Variants in ALDH1L2 observed in about 807,000 individuals in gnomAD.
ALDH1L2 encodes mitochondrial 10-formyltetrahydrofolate dehydrogenase.
Under a neutral mutation model 111.0 loss-of-function variants are expected in ALDH1L2, and 91 were observed. That is an observed-to-expected ratio of 0.82 (90% CI 0.69 to 0.98). The LOEUF is 0.98. Among genes scored for constraint, ALDH1L2 ranks in the 50% least tolerant of loss-of-function variants. ALDH1L2 has a pLI of 0.00. For synonymous variants in ALDH1L2, 374 were observed against 392.6 expected, an observed-to-expected ratio of 0.95 and a Z score of 0.56; for missense variants, 995 against 1,126.8, an observed-to-expected ratio of 0.88 and a Z score of 1.67.
chr12:105,072,038 A>G (rs1877761745), intron 2 of ALDH1L2, among the ~76,000 whole-genome samples: 1 of 151,470 alleles, frequency 6.6e-6, no homozygotes, highest in South Asian at 2.1e-4. Flanking sequence ...GTAAGCTATT[A>G]TCGTGCCACT....
At position 105,036,318 on chromosome 12, in the gene ALDH1L2, T is replaced by C. The variant is rs184941396; in HGVS notation, c.2145+1785A>G. On this transcript the variant is annotated intron_variant, in intron 18 of 22. Transcript: ENST00000258494. ...TTATATATATACGTATATTTATATA[T>C]GTGTATATATATTATATATACGTAT... 1.1e-3 allele frequency among the ~76,000 whole-genome samples: 83 copies of C among 78,950 alleles called. 12 individuals are homozygous for C. Among genetic ancestry groups the C allele is most frequent in the African/African-American group, 3.6e-3 (78 of 21,684 alleles). 51.8% of individuals were successfully genotyped at this position (78,950 alleles called of 152,430 possible).
chr12:105,044,265 C>T (rs1320383785), intron 15 of ALDH1L2, among the ~76,000 whole-genome samples: 1 of 152,118 alleles, frequency 6.6e-6, no homozygotes, highest in Non-Finnish European at 1.5e-5. Context: ...ATTATATATA[C>T]TCATTGCCAT....
chr12:105,046,667 TAA>T, intron 15 of ALDH1L2, 41 bp downstream of exon 15: 2 of 1,548,654 alleles, frequency 1.3e-6, no homozygotes, highest in Non-Finnish European at 1.8e-6. Flanking sequence ...GTACTGGATA[TAA>T]GAGAGGAGGC....
rs866235918 is a variant in ALDH1L2 at position 105,036,323 on chromosome 12, A to G, written c.2145+1780T>C. Among the ~76,000 whole-genome samples the G allele has an allele frequency of 1.1e-4, 9 of 78,364 alleles. 2 individuals are homozygous for G. Among genetic ancestry groups the G allele is most frequent in the Non-Finnish European group, 1.7e-4 (7 of 40,850 alleles). 51.4% of individuals were successfully genotyped at this position (78,364 alleles called of 152,430 possible). ...TATATACGTATATTTATATATGTGT[A>G]TATATATTATATATACGTATATTTA... On this transcript the variant is annotated intron_variant, in intron 18 of 22. Transcript: ENST00000258494.
In ALDH1L2 at chr12:105,024,156, G is replaced by A. The variant is rs1017898896; in HGVS notation, c.*268C>T. Reference sequence around the variant, plus strand: ...TGGGAACCATGAATAGATTTGTCTAGGTAGGGGAGAAACAGCTTGGTATTT... The same window carrying A: ...TGGGAACCATGAATAGATTTGTCTAAGTAGGGGAGAAACAGCTTGGTATTT... On this transcript the variant is annotated 3_prime_UTR_variant, in exon 23 of 23. Coordinates refer to ENST00000258494, the MANE Select transcript of ALDH1L2 (RefSeq NM_001034173.4). 3 of 537,356 alleles carry A rather than the reference G, an allele frequency of 5.6e-6. No individual in the cohort carries two copies. Among genetic ancestry groups the A allele is most frequent in the Non-Finnish European group, 1.0e-5 (3 of 300,090 alleles). 33.3% of individuals were successfully genotyped at this position (537,356 alleles called of 1,614,324 possible).
intron 13 of ALDH1L2, among the ~76,000 whole-genome samples, chr12:105,049,415 C>T (rs563493093): frequency 1.3e-3 from 194 of 152,224 alleles, no homozygotes; most frequent in Non-Finnish European, 2.1e-3. Context: ...ATAACCATTG[C>T]GAGGGTCTGA....
At chr12:105,070,420 T>G in intron 3 of ALDH1L2, 150 bp downstream of exon 3, 1 of 650,906 alleles carries the variant, frequency 1.5e-6, no homozygotes, top group South Asian at 2.0e-5. Flanking sequence ...ATTAAAAAAG[T>G]CTCACTGGGT....
chr12:105,080,568 C>T (rs1200373422), intron 1 of ALDH1L2, among the ~76,000 whole-genome samples: 1 of 152,058 alleles, frequency 6.6e-6, no homozygotes, highest in Non-Finnish European at 1.5e-5. Context: ...ACTTCTGGGT[C>T]TCAGTTTTCT....
Position 105,046,891 on chromosome 12 carries a change from T to TA in ALDH1L2, c.1757+7dup. 1 of 1,614,026 alleles carries TA rather than the reference T, an allele frequency of 6.2e-7. No individual in the cohort carries two copies. Among genetic ancestry groups the TA allele is most frequent in the Admixed American group, 1.7e-5 (1 of 60,022 alleles). On this transcript the variant is annotated splice_region_variant and intron_variant, in intron 14 of 22. Transcript: ENST00000258494. Reference sequence around the variant, plus strand: ...ATGATTCACTCAGAGGCACTCTCCTTATCTTACCCGAGTGGCTCTTTCTTG... The same window carrying TA: ...ATGATTCACTCAGAGGCACTCTCCTTAATCTTACCCGAGTGGCTCTTTCTTG...
rs369295322 is a variant in ALDH1L2 at position 105,046,802 on chromosome 12, T to C, written c.1771A>G (p.Ile591Val). ...KKEPLGVCAIIIPWNYPLMML... is the reference protein window; with the variant it reads ...KKEPLGVCAIVIPWNYPLMML... ...ATCAGCGGGTAGTTCCAGGGAATAA[T>C]AATGGCACAGACACTGCAGGGGAAG... is the stretch of plus-strand genomic sequence containing the variant. Residue 591 changes from isoleucine (I) to valine (V), a missense_variant, in exon 15 of 23, where the codon ATT (isoleucine) becomes GTT (valine). Ile to Val is a conservative substitution (Grantham distance 29). Transcript: ENST00000258494. 1.9e-6 allele frequency: 3 copies of C among 1,613,924 alleles called. No homozygotes were observed. The highest frequency in any genetic ancestry group is 2.5e-6 in the Non-Finnish European group (3 of 1,179,994).
At chr12:105,059,302 A>G (rs1360923314) in intron 9 of ALDH1L2, among the ~76,000 whole-genome samples, 7 of 83,122 alleles carry the variant, frequency 8.4e-5, no homozygotes, top group Non-Finnish European at 1.4e-4. Context: ...AATAATAATA[A>G]TAATAATAAT....
At chr12:105,068,638 A>G in intron 4 of ALDH1L2, 81 bp downstream of exon 4, 2 of 1,247,780 alleles carry the variant, frequency 1.6e-6, no homozygotes, top group Non-Finnish European at 2.1e-6. Flanking sequence ...GAAAATTCAT[A>G]TGGATAATTT....
At chr12:105,025,116 A>G (rs1287355068) in intron 22 of ALDH1L2, among the ~76,000 whole-genome samples, 1 of 152,160 alleles carries the variant, frequency 6.6e-6, no homozygotes, top group Non-Finnish European at 1.5e-5. Context: ...ATCTCTACAG[A>G]GGTTAAAGGG....
intron 1 of ALDH1L2, among the ~76,000 whole-genome samples, chr12:105,082,732 C>T (rs1042790485): frequency 2.0e-5 from 3 of 152,128 alleles, no homozygotes; most frequent in South Asian, 2.1e-4. Flanking sequence ...AGTGTGATTC[C>T]GGGGTCATAT....
At chr12:105,074,093 G>C in intron 1 of ALDH1L2, 88 bp from the exon 2 acceptor site, 1 of 1,510,680 alleles carries the variant, frequency 6.6e-7, no homozygotes, top group Non-Finnish European at 9.0e-7. Flanking sequence ...TATTGGGTAC[G>C]ATGTTCACTC....
At chr12:105,059,957 A>T (rs536841493) in intron 9 of ALDH1L2, among the ~76,000 whole-genome samples, 10 of 152,188 alleles carry the variant, frequency 6.6e-5, no homozygotes, top group Non-Finnish European at 1.0e-4. Flanking sequence ...CTGTCTTGTT[A>T]TCCCAGTTAC....
intron 18 of ALDH1L2, among the ~76,000 whole-genome samples, chr12:105,036,420 T>A (rs112216704): frequency 8.1e-5 from 5 of 61,886 alleles, no homozygotes; most frequent in Non-Finnish European, 1.1e-4. Context: ...ATACGTATAT[T>A]TATATATGTG....
At chr12:105,028,236 G>A (rs1339261036) in intron 21 of ALDH1L2, among the ~76,000 whole-genome samples, 1 of 152,146 alleles carries the variant, frequency 6.6e-6, no homozygotes, top group East Asian at 1.9e-4. Context: ...TCAGCCTCCT[G>A]AGTAGCTGAG....
Position 105,038,191 on chromosome 12 carries a change from C to T in ALDH1L2, c.2057G>A (p.Ser686Asn), listed in dbSNP as rs1355962671. 2 of 1,603,290 alleles carry T rather than the reference C, an allele frequency of 1.2e-6. No individual in the cohort carries two copies. The change falls in exon 18 of 23, where the codon AGC becomes AAC. Residue 686 changes from serine (S) to asparagine (N), a missense_variant. Transcript: ENST00000258494. Reference sequence around the variant, plus strand: ...CTCAAGGGAAACTTTCTTCAAGTTGCTAACAGCACAGCTAGAGGAAAACAA... The same window carrying T: ...CTCAAGGGAAACTTTCTTCAAGTTGTTAACAGCACAGCTAGAGGAAAACAA... ...GKQIMKSCAV[S>N]NLKKVSLELG...
Sources: gnomAD v4.1 joint callset for allele counts (sites outside exome capture counted in the v4.1 genomes callset) on GRCh38, gnomAD v4.1.1 for gene constraint, MANE v1.5 for transcripts, NCBI Gene and HGNC (gene_info 2026-07-23, HGNC 2026-07-21) for gene names.